Variants in RIMS3 observed in about 807,000 individuals in gnomAD.
RIMS3 encodes regulating synaptic membrane exocytosis 3, also known as regulating synaptic membrane exocytosis protein 3.
A neutral mutation model predicts 29.2 loss-of-function variants in RIMS3; 15 were observed. The ratio of observed to expected loss-of-function variants is 0.51; its 90% confidence interval spans 0.34 to 0.79. The LOEUF (loss-of-function observed/expected upper bound fraction) is 0.79. Ranked by LOEUF, RIMS3 falls within the 30% of genes least tolerant of loss-of-function variation. The pLI is 0.01. For missense variants in RIMS3, 342 were observed against 421.4 expected (o/e 0.81, Z 1.65); for synonymous variants, 161 against 170.1 (o/e 0.95, Z 0.41).
chr1:40,667,316 G>A (rs1411143146), upstream of RIMS3, among the ~76,000 whole-genome samples: 1 of 152,126 alleles, frequency 6.6e-6, no homozygotes, highest in Non-Finnish European at 1.5e-5. Flanking sequence ...TGGTAGAATG[G>A]GTTACTCTGG....
At chr1:40,650,769 G>A (rs1404148670) in intron 1 of RIMS3, among the ~76,000 whole-genome samples, 2 of 150,838 alleles carry the variant, frequency 1.3e-5, no homozygotes, top group Non-Finnish European at 3.0e-5. Flanking sequence ...GGGAGGCTGA[G>A]GTGGGAGGAT....
the RIMS3 span, among the ~76,000 whole-genome samples, chr1:40,689,991 C>G: frequency 1.3e-5 from 2 of 152,186 alleles, no homozygotes; most frequent in African/African-American, 4.8e-5. Context: ...TGCTTGAGCA[C>G]TACTTGTTGT....
chr1:40,626,726 T>C lies in RIMS3; in HGVS notation c.718A>G (p.Ile240Val). Residue 240 changes from isoleucine to valine, a missense_variant, in exon 8 of 8, where the codon ATC (isoleucine) becomes GTC (valine). Transcript: ENST00000372684. ...ATGCGGCCATAGTCTCCCCAGACGA[T>C]CACCTGCCAGGAGGAAGAGAGGGAG... ...EGPQGKVLQV[I>V]VWGDYGRMDH... is the part of the protein sequence containing the mutation. 2.5e-6 allele frequency: 4 copies of C among 1,613,994 alleles called. No individual in the cohort carries two copies. Among genetic ancestry groups the C allele is most frequent in the Non-Finnish European group, 3.4e-6 (4 of 1,179,998 alleles).
intron 2 of RIMS3, among the ~76,000 whole-genome samples, chr1:40,646,476 C>T (rs1442799723): frequency 6.6e-6 from 1 of 152,182 alleles, no homozygotes; most frequent in South Asian, 2.1e-4. Flanking sequence ...TCACCAATTC[C>T]CTGCTTCTGA....
Position 40,623,888 on chromosome 1 carries a change from G to T in RIMS3, c.*2629C>A, listed in dbSNP as rs1646437002. The T allele has an allele frequency of 1.4e-5, 3 of 218,104 alleles. No homozygotes were observed. The highest frequency in any genetic ancestry group is 2.7e-5 in the Non-Finnish European group (3 of 111,280). The allele number at this position is 218,104 out of a possible 1,614,324, so 13.5% of individuals were successfully genotyped here. A position where few individuals can be genotyped will look rare whatever the true frequency, so the allele number is the denominator to read the frequency against. ...CCTCATGGGGTAAAATCCAGGTGGG[G>T]ATGAGTAACTTATTTGGTGCAAAGG... On this transcript the variant is annotated 3_prime_UTR_variant, in exon 8 of 8. Coordinates refer to ENST00000372684, the MANE Select transcript of RIMS3 (RefSeq NM_014747.3).
chr1:40,628,761 A>G, intron 7 of RIMS3, 49 bp downstream of exon 7: 1 of 1,613,184 alleles, frequency 6.2e-7, no homozygotes, highest in Non-Finnish European at 8.5e-7. Context: ...TTAAATTACA[A>G]CTTCCAGTCT....
intron 1 of RIMS3, among the ~76,000 whole-genome samples, chr1:40,650,164 C>T (rs749291075): frequency 6.6e-6 from 1 of 152,140 alleles, no homozygotes; most frequent in Non-Finnish European, 1.5e-5. Flanking sequence ...CTGGGTGAGC[C>T]GTGTCTCCCA....
rs563664145 is a variant in RIMS3 at position 40,638,430 on chromosome 1, ATC to A, written c.218-2375_218-2374del. Among the ~76,000 whole-genome samples, 168 of 152,162 alleles carry A rather than the reference ATC, an allele frequency of 1.1e-3. 2 individuals carry two copies. Among genetic ancestry groups the A allele is most frequent in the African/African-American group, 3.9e-3 (162 of 41,526 alleles). ...CTGATTTAAGGAATAACTTTATATAATCTCTCTCTCAGTTGCTTGCAATAATT... is the reference window on the plus strand; with the variant it reads ...CTGATTTAAGGAATAACTTTATATAATCTCTCTCAGTTGCTTGCAATAATT... On this transcript the variant is annotated intron_variant, in intron 3 of 7. Coordinates refer to ENST00000372684, the MANE Select transcript of RIMS3 (RefSeq NM_014747.3).
chr1:40,659,606 A>G (rs1642323027), intron 1 of RIMS3, among the ~76,000 whole-genome samples: 1 of 152,216 alleles, frequency 6.6e-6, no homozygotes, highest in South Asian at 2.1e-4. Flanking sequence ...ACAGCCTAGC[A>G]TGAAATAGAC....
chr1:40,659,246 TAGAG>T (rs761879080), intron 1 of RIMS3, among the ~76,000 whole-genome samples: 31 of 152,030 alleles, frequency 2.0e-4, no homozygotes, highest in Non-Finnish European at 2.9e-5. Flanking sequence ...CCTGGTGTCT[TAGAG>T]GGACTGGAGT....
the RIMS3 span, among the ~76,000 whole-genome samples, chr1:40,680,702 T>C: frequency 6.6e-6 from 1 of 152,224 alleles, no homozygotes; most frequent in African/African-American, 2.4e-5. Context: ...AAAAGTTTCA[T>C]AGTAATTTTC....
chr1:40,662,866 G>T (rs1232922572), intron 1 of RIMS3, among the ~76,000 whole-genome samples: 1 of 152,196 alleles, frequency 6.6e-6, no homozygotes, highest in Admixed American at 6.5e-5. Context: ...CCTGCCTGAA[G>T]TGGTAACAGG....
At chr1:40,631,777 C>A (rs1646490785) in intron 5 of RIMS3, among the ~76,000 whole-genome samples, 1 of 151,984 alleles carries the variant, frequency 6.6e-6, no homozygotes, top group Non-Finnish European at 1.5e-5. Context: ...TCCAGACTAG[C>A]CTGGCCAATA....
chr1:40,675,841 T>C, the RIMS3 span, among the ~76,000 whole-genome samples: 1 of 150,750 alleles, frequency 6.6e-6, no homozygotes, highest in Admixed American at 6.6e-5. Context: ...GGCAGGAAGA[T>C]TGTTTGAGCC....
At chr1:40,678,696 A>G in the RIMS3 span, among the ~76,000 whole-genome samples, 3 of 152,222 alleles carry the variant, frequency 2.0e-5, no homozygotes, top group Non-Finnish European at 4.4e-5. Context: ...TGCTTGCTCC[A>G]GAGTCGGCGC....
At position 40,654,352 on chromosome 1, in the gene RIMS3, C is replaced by T. The variant is rs1642241535; in HGVS notation, c.-206-6510G>A. 6.6e-6 allele frequency among the ~76,000 whole-genome samples: 1 copy of T among 152,194 alleles called. No individual in the cohort carries two copies. Among genetic ancestry groups the T allele is most frequent in the Admixed American group, 6.5e-5 (1 of 15,290 alleles). ...CAGACAGACACCGCCCAAAGAGGTGCACGCATTCCCTGCAACCTCTCCACC... is the reference window on the plus strand; with the variant it reads ...CAGACAGACACCGCCCAAAGAGGTGTACGCATTCCCTGCAACCTCTCCACC... On this transcript the variant is annotated intron_variant, in intron 1 of 7. Coordinates refer to ENST00000372684, the MANE Select transcript of RIMS3 (RefSeq NM_014747.3). This position sits in a 1 kb window ranked among gnomAD's most constrained non-coding sequence, Gnocchi z 5.3.
chr1:40,672,660 G>A, the RIMS3 span, among the ~76,000 whole-genome samples: 1 of 152,296 alleles, frequency 6.6e-6, no homozygotes, highest in South Asian at 2.1e-4. Context: ...CTTTTACTGA[G>A]CAGCTACTCT....
chr1:40,632,415 AATTTAT>A (rs1557666961), intron 5 of RIMS3, among the ~76,000 whole-genome samples: 1 of 81,196 alleles, frequency 1.2e-5, no homozygotes, highest in East Asian at 3.6e-4. Flanking sequence ...AATACATATA[AATTTAT>A]ATATATATAT....
chr1:40,686,677 C>A, the RIMS3 span, among the ~76,000 whole-genome samples: 1 of 151,986 alleles, frequency 6.6e-6, no homozygotes, highest in Non-Finnish European at 1.5e-5. Flanking sequence ...ACAAAAAAAA[C>A]CCTTAATTTT....
Sources: gnomAD v4.1 joint callset for allele counts (sites outside exome capture counted in the v4.1 genomes callset) on GRCh38, gnomAD v4.1.1 for gene constraint, Gnocchi (gnomAD v3.1) non-coding constraint, MANE v1.5 for transcripts, NCBI Gene and HGNC (gene_info 2026-07-23, HGNC 2026-07-21) for gene names.